The following TENM1 variants were observed in gnomAD, a reference collection of about 807,000 sequenced individuals.
TENM1 encodes teneurin-1.
TENM1 carries 35 observed loss-of-function variants against 174.8 expected under a neutral mutation model. The observed-to-expected ratio is 0.20, with a 90% CI of 0.15 to 0.27. The LOEUF (loss-of-function observed/expected upper bound fraction) is 0.27, where lower values mean the gene tolerates loss of function less well. Ranked by LOEUF, TENM1 falls within the 10% of genes least tolerant of loss-of-function variation. TENM1 has a pLI of 1.00. For synonymous variants in TENM1, 781 were observed against 798.7 expected, an observed-to-expected ratio of 0.98 and a Z score of 0.37; for missense variants, 1,633 against 2,130.1, an observed-to-expected ratio of 0.77 and a Z score of 4.59.
chrX:124,417,482 GA>G (rs1392684434), intron 25 of TENM1, among the ~76,000 whole-genome samples: 2 of 111,299 alleles, frequency 1.8e-5, no homozygotes, highest in East Asian at 5.6e-4. Context: ...AAAGTGCAGG[GA>G]TTACTGGTGT....
In TENM1 at chrX:124,720,199, T is replaced by C. The variant is rs1416155066; in HGVS notation, c.777-14948A>G. ...CCTGAAAATCTAATTCAAGCCATGATGGAAGATGGAGTTTAACATGCCTCG... is the reference window on the plus strand; with the variant it reads ...CCTGAAAATCTAATTCAAGCCATGACGGAAGATGGAGTTTAACATGCCTCG... On this transcript the variant is annotated intron_variant, in intron 4 of 31. Transcript: ENST00000422452. 7.1e-5 allele frequency among the ~76,000 whole-genome samples: 8 copies of C among 112,048 alleles called. No homozygotes were observed. The South Asian group carries it at 1.5e-3, about 21-fold the overall frequency.
chrX:125,185,897 C>G, the TENM1 span, among the ~76,000 whole-genome samples: 1 of 112,025 alleles, frequency 8.9e-6, no homozygotes, highest in Admixed American at 9.5e-5. Context: ...AAAAGGTCTA[C>G]TTGAAATTTC....
intron 3 of TENM1, among the ~76,000 whole-genome samples, chrX:124,859,662 C>A (rs1174784727): frequency 9.0e-6 from 1 of 111,020 alleles, no homozygotes; most frequent in African/African-American, 3.3e-5. Context: ...ACACGGGATA[C>A]ATATAACCAG....
chrX:124,453,424 C>G, exon 23 of TENM1: 1 of 1,210,407 alleles, frequency 8.3e-7, no homozygotes, highest in South Asian at 1.8e-5. Flanking sequence ...TCACAGCATT[C>G]TCATCAATTT....
chrX:125,142,222 C>T, the TENM1 span, among the ~76,000 whole-genome samples: 3 of 111,961 alleles, frequency 2.7e-5, no homozygotes, highest in South Asian at 1.1e-3. Context: ...GTTTCTTCGA[C>T]ATTCCAGTTT....
Position 124,546,864 on chromosome X carries a change from A to G in TENM1, c.2651+10T>C, listed in dbSNP as rs762155774. 1 of 1,167,194 alleles carries G rather than the reference A, an allele frequency of 8.6e-7. No individual in the cohort carries two copies. Among genetic ancestry groups the G allele is most frequent in the South Asian group, 1.8e-5 (1 of 55,186 alleles). ...TTGTTCACTAAGGAATAAAATAAAT[A>G]CATATGTACCTGCTGTCAAATGACA... On this transcript the variant is annotated intron_variant, in intron 15 of 31. Coordinates refer to ENST00000422452, the Ensembl canonical transcript of TENM1.
At chrX:124,554,867 T>C (rs1053771515) in intron 14 of TENM1, among the ~76,000 whole-genome samples, 2 of 111,932 alleles carry the variant, frequency 1.8e-5, no homozygotes, top group Non-Finnish European at 3.8e-5. Flanking sequence ...GATCATTCTC[T>C]TTTAGGCAAT....
At chrX:124,560,667 G>T (rs1228175530) in intron 14 of TENM1, among the ~76,000 whole-genome samples, 3 of 111,619 alleles carry the variant, frequency 2.7e-5, no homozygotes, top group Non-Finnish European at 3.8e-5. Flanking sequence ...AATGCAGTTT[G>T]GTGCTTAAGC....
chrX:125,042,600 C>T, the TENM1 span, among the ~76,000 whole-genome samples: 1 of 111,229 alleles, frequency 9.0e-6, no homozygotes, highest in African/African-American at 3.3e-5. Flanking sequence ...TAGCATGGAC[C>T]TCTTTGAACA....
chrX:124,823,440 T>C (rs1344655677), intron 3 of TENM1, among the ~76,000 whole-genome samples: 1 of 111,698 alleles, frequency 9.0e-6, no homozygotes, highest in Admixed American at 9.6e-5. Context: ...TCTAAATCAA[T>C]GTAAAATAGG....
chrX:125,187,217 G>A, the TENM1 span, among the ~76,000 whole-genome samples: 35 of 112,425 alleles, frequency 3.1e-4, no homozygotes, highest in South Asian at 1.1e-3. Flanking sequence ...CTGAGATTGC[G>A]CTGTTGCACG....
intron 4 of TENM1, among the ~76,000 whole-genome samples, chrX:124,732,876 C>G (rs911682303): frequency 3.6e-5 from 4 of 112,135 alleles, no homozygotes; most frequent in African/African-American, 1.3e-4. Flanking sequence ...TGCTAGAGAT[C>G]CACAGTCTTT....
Position 124,615,377 on chromosome X carries a change from T to C in TENM1, c.2077+26414A>G, listed in dbSNP as rs1165783167. On this transcript the variant is annotated intron_variant, in intron 11 of 31. Transcript: ENST00000422452. Reference sequence around the variant, plus strand: ...AATTCAAGAAACTTAGTATTTACTCTGGGTGCTTCATGACTGGGGAAATTT... The same window carrying C: ...AATTCAAGAAACTTAGTATTTACTCCGGGTGCTTCATGACTGGGGAAATTT... Among the ~76,000 whole-genome samples the C allele has an allele frequency of 3.6e-5, 4 of 112,013 alleles. No homozygotes were observed. In the East Asian group the frequency reaches 1.1e-3, roughly 31 times the overall value.
At chrX:125,137,166 G>A in the TENM1 span, among the ~76,000 whole-genome samples, 4 of 110,842 alleles carry the variant, frequency 3.6e-5, no homozygotes, top group South Asian at 3.8e-4. Context: ...ATGAGATAAC[G>A]TATATAAAGT....
intron 3 of TENM1, among the ~76,000 whole-genome samples, chrX:124,862,327 G>A (rs1374685791): frequency 1.8e-5 from 2 of 111,550 alleles, no homozygotes; most frequent in East Asian, 2.8e-4. Context: ...CATAGTACCT[G>A]GTTTTAACTT....
At chrX:125,070,542 C>G in the TENM1 span, among the ~76,000 whole-genome samples, 1 of 111,375 alleles carries the variant, frequency 9.0e-6, no homozygotes, top group African/African-American at 3.3e-5. Context: ...TTCTGGAGAA[C>G]AAGTTTACTT....
At chrX:124,997,031 T>C in the TENM1 span, among the ~76,000 whole-genome samples, 78 of 111,273 alleles carry the variant, frequency 7.0e-4, no homozygotes, top group African/African-American at 2.3e-3. Context: ...TAAAGTACAA[T>C]GGGGAAGGCC....
At chrX:124,926,578 T>C (rs968800111) in intron 1 of TENM1, among the ~76,000 whole-genome samples, 6 of 112,059 alleles carry the variant, frequency 5.4e-5, no homozygotes, top group African/African-American at 9.7e-5. Context: ...TTCACTGCTG[T>C]ATTCCCAACA....
At chrX:124,717,117 G>T (rs1293433349) in intron 4 of TENM1, among the ~76,000 whole-genome samples, 1 of 111,315 alleles carries the variant, frequency 9.0e-6, no homozygotes, top group Non-Finnish European at 1.9e-5. Context: ...TTCTGAGGAG[G>T]CAGGGACTGA....
Sources: gnomAD v4.1 joint callset for allele counts (sites outside exome capture counted in the v4.1 genomes callset) on GRCh38, gnomAD v4.1.1 for gene constraint, MANE v1.5 for transcripts, NCBI Gene and HGNC (gene_info 2026-07-23, HGNC 2026-07-21) for gene names.